CNTN6: variants seen among roughly 807,000 people sequenced by gnomAD.
The protein encoded by CNTN6 is contactin-6.
Under a neutral mutation model 122.8 loss-of-function variants are expected in CNTN6, and 137 were observed. That is an observed-to-expected ratio of 1.12 (90% CI 0.97 to 1.29). The LOEUF is 1.29. Among genes scored for constraint, CNTN6 ranks in the 50% most tolerant of loss-of-function variants. The probability of loss-of-function intolerance (pLI) is 0.00; values close to 1 mark genes in which losing one functional copy is unlikely to be tolerated. For synonymous variants in CNTN6, 570 were observed against 426.0 expected (o/e 1.34, Z -4.16); for missense variants, 1,634 against 1,223.4 (o/e 1.34, Z -5.01).
chr3:1,372,443 A>G lies in CNTN6; in HGVS notation c.1637A>G (p.Lys546Arg), dbSNP rs145045076. ...FFNGDVIDLK[K>R]GVAHFERIGG... Reference sequence around the variant, plus strand: ...AATGGAGATGTCATAGACTTAAAAAAAGGAGTGGCTCATTTTGAAAGGATT... The same window carrying G: ...AATGGAGATGTCATAGACTTAAAAAGAGGAGTGGCTCATTTTGAAAGGATT... The change falls in exon 13 of 23, where the codon AAA becomes AGA. Residue 546 changes from lysine (K) to arginine (R), a missense_variant. Transcript: ENST00000446702. 4.9e-4 allele frequency: 790 copies of G among 1,611,908 alleles called. 7 individuals carry two copies. In the East Asian group the frequency reaches 0.016, roughly 33 times the overall value.
intron 1 of CNTN6, among the ~76,000 whole-genome samples, chr3:1,140,534 A>C (rs2092584983): frequency 6.6e-6 from 1 of 152,162 alleles, no homozygotes; most frequent in South Asian, 2.1e-4. Context: ...TCTATTATCT[A>C]TATAGTTTCT....
chr3:1,382,714 T>A (rs1692092260), intron 17 of CNTN6, among the ~76,000 whole-genome samples: 2 of 152,342 alleles, frequency 1.3e-5, no homozygotes, highest in Non-Finnish European at 1.5e-5. Context: ...TATGTAAAGC[T>A]TGTTTTATAT....
At chr3:1,238,279 A>C (rs901447264) in intron 4 of CNTN6, among the ~76,000 whole-genome samples, 1 of 152,198 alleles carries the variant, frequency 6.6e-6, no homozygotes, top group Non-Finnish European at 1.5e-5. Context: ...AAAAGCAAGC[A>C]GGAGTAGCTA....
chr3:1,147,558 A>G (rs2092748909), intron 1 of CNTN6, among the ~76,000 whole-genome samples: 1 of 150,646 alleles, frequency 6.6e-6, no homozygotes, highest in Admixed American at 6.7e-5. Flanking sequence ...CATAGCTTAA[A>G]TGTCAAAATA....
intron 1 of CNTN6, among the ~76,000 whole-genome samples, chr3:1,125,856 A>T (rs2092140686): frequency 6.6e-6 from 1 of 151,872 alleles, no homozygotes; most frequent in Non-Finnish European, 1.5e-5. Context: ...AAAAGATTTG[A>T]GACAAAAGCC....
rs544663783 is a variant in CNTN6 at position 1,387,968 on chromosome 3, G to A, written c.2704+2171G>A. Among the ~76,000 whole-genome samples the A allele has an allele frequency of 1.9e-3, 288 of 152,172 alleles. 1 individual carries two copies. The highest frequency in any genetic ancestry group is 5.8e-3 in the African/African-American group (242 of 41,538). ...GCAGTCTGAGATCAAACTGCAAGGC[G>A]GCAGCGAGGCTGGGGGAGGGGCGCC... On this transcript the variant is annotated intron_variant, in intron 20 of 22. Transcript: ENST00000446702.
At chr3:1,117,640 C>A (rs2091778517) in intron 1 of CNTN6, among the ~76,000 whole-genome samples, 1 of 152,120 alleles carries the variant, frequency 6.6e-6, no homozygotes, top group Admixed American at 6.6e-5. Context: ...CTGGAGAGTT[C>A]CAAGCTTCTC....
chr3:1,347,305 G>A (rs1408233933), intron 11 of CNTN6, among the ~76,000 whole-genome samples: 1 of 152,078 alleles, frequency 6.6e-6, no homozygotes, highest in East Asian at 1.9e-4. Context: ...GCTATAATCA[G>A]TGATTTAATT....
At chr3:1,351,046 T>G (rs545752280) in intron 11 of CNTN6, among the ~76,000 whole-genome samples, 5 of 151,838 alleles carry the variant, frequency 3.3e-5, no homozygotes, top group Non-Finnish European at 7.4e-5. Flanking sequence ...TCTAAGATAA[T>G]GACTTTAAAA....
At chr3:1,350,159 T>C (rs1049543346) in intron 11 of CNTN6, among the ~76,000 whole-genome samples, 4 of 152,006 alleles carry the variant, frequency 2.6e-5, no homozygotes, top group African/African-American at 9.6e-5. Flanking sequence ...CAAACTTAAT[T>C]GTACATGCTA....
chr3:1,113,375 A>C (rs1403108628), intron 1 of CNTN6, among the ~76,000 whole-genome samples: 1 of 152,188 alleles, frequency 6.6e-6, no homozygotes, highest in Non-Finnish European at 1.5e-5. Flanking sequence ...ATTTTTCCAG[A>C]ATCATGACTT....
chr3:1,106,711 A>G (rs1381837455), intron 1 of CNTN6, among the ~76,000 whole-genome samples: 1 of 152,142 alleles, frequency 6.6e-6, no homozygotes, highest in African/African-American at 2.4e-5. Context: ...GTTATAAGTA[A>G]TGTTGGCTAG....
chr3:1,309,571 TA>T (rs1387865792), intron 7 of CNTN6, among the ~76,000 whole-genome samples: 1 of 152,202 alleles, frequency 6.6e-6, no homozygotes, highest in African/African-American at 2.4e-5. Context: ...ACTCCAACTT[TA>T]TTCTTCTTCT....
chr3:1,387,828 C>G (rs1281428900), intron 20 of CNTN6, among the ~76,000 whole-genome samples: 6 of 152,072 alleles, frequency 3.9e-5, no homozygotes, highest in South Asian at 4.2e-4. Flanking sequence ...TGGGTCACTC[C>G]CACCCGAATA....
intron 5 of CNTN6, among the ~76,000 whole-genome samples, chr3:1,294,936 G>A (rs1356263498): frequency 6.6e-6 from 1 of 152,110 alleles, no homozygotes; most frequent in Non-Finnish European, 1.5e-5. Flanking sequence ...ACCTAAAACT[G>A]TCACAGAATA....
chr3:1,230,314 G>A (rs563046098), intron 4 of CNTN6, among the ~76,000 whole-genome samples: 21 of 152,200 alleles, frequency 1.4e-4, no homozygotes, highest in Non-Finnish European at 2.6e-4. Context: ...AAATCTATAC[G>A]ATGAGGATAC....
In CNTN6 at chr3:1,403,511, C is replaced by T. The variant is rs1696000222; in HGVS notation, c.*93C>T. On this transcript the variant is annotated 3_prime_UTR_variant, in exon 23 of 23. Coordinates refer to ENST00000446702, the MANE Select transcript of CNTN6 (RefSeq NM_001289080.2). Reference sequence around the variant, plus strand: ...TCTGACACAAGATGCGTTCTTAATACAGACTTGTTTGCAAAGAAAAAAAAA... The same window carrying T: ...TCTGACACAAGATGCGTTCTTAATATAGACTTGTTTGCAAAGAAAAAAAAA... The T allele has an allele frequency of 9.3e-6, 6 of 644,176 alleles. No individual in the cohort carries two copies. In the Admixed American group the frequency reaches 1.8e-4, roughly 20 times the overall value. 39.9% of individuals were successfully genotyped at this position (644,176 alleles called of 1,614,324 possible). A position where few individuals can be genotyped will look rare whatever the true frequency, so the allele number is the denominator to read the frequency against.
intron 11 of CNTN6, 38 bp from the exon 12 acceptor site, chr3:1,352,286 A>C: frequency 1.4e-6 from 2 of 1,453,938 alleles, no homozygotes; most frequent in South Asian, 1.5e-5. Context: ...CCAGTGTTGA[A>C]GAGCCTTACT....
intron 4 of CNTN6, among the ~76,000 whole-genome samples, chr3:1,270,082 C>A (rs1181133896): frequency 6.6e-6 from 1 of 152,044 alleles, no homozygotes; most frequent in Non-Finnish European, 1.5e-5. Flanking sequence ...TAGGTTATGT[C>A]GTGTTGTGTT....
Sources: gnomAD v4.1 joint callset for allele counts (sites outside exome capture counted in the v4.1 genomes callset) on GRCh38, gnomAD v4.1.1 for gene constraint, MANE v1.5 for transcripts, NCBI Gene and HGNC (gene_info 2026-07-23, HGNC 2026-07-21) for gene names.